Variants in TTC29 observed in about 807,000 individuals in gnomAD.
The protein encoded by TTC29 is tetratricopeptide repeat domain 29, also known as tetratricopeptide repeat protein 29.
Under a neutral mutation model 58.1 loss-of-function variants are expected in TTC29, and 49 were observed. The observed-to-expected ratio is 0.84, with a 90% CI of 0.67 to 1.07. TTC29 has a LOEUF of 1.07. Ranked by LOEUF, TTC29 falls within the 50% of genes least tolerant of loss-of-function variation. The pLI, the probability that TTC29 is intolerant of heterozygous loss-of-function variation, is 0.00. For missense variants in TTC29, 582 were observed against 555.6 expected (o/e 1.05, Z -0.48); for synonymous variants, 209 against 196.8 (o/e 1.06, Z -0.52).
chr4:146,918,065 T>C (rs1000342581), intron 4 of TTC29, among the ~76,000 whole-genome samples: 1 of 151,076 alleles, frequency 6.6e-6, no homozygotes, highest in African/African-American at 2.4e-5. Flanking sequence ...AGAATTTTTA[T>C]GTGATTATCA....
intron 4 of TTC29, among the ~76,000 whole-genome samples, chr4:146,934,834 T>C (rs1580015687): frequency 6.6e-6 from 1 of 152,146 alleles, no homozygotes; most frequent in East Asian, 1.9e-4. Context: ...AACAGAAACA[T>C]AACTATTAGA....
intron 9 of TTC29, among the ~76,000 whole-genome samples, chr4:146,832,712 A>T (rs560354572): frequency 6.6e-6 from 1 of 152,040 alleles, no homozygotes; most frequent in African/African-American, 2.4e-5. Context: ...GGCTGGTCTC[A>T]AACTCCTGAC....
intron 7 of TTC29, among the ~76,000 whole-genome samples, chr4:146,867,804 T>C (rs954612485): frequency 1.3e-5 from 2 of 152,158 alleles, no homozygotes; most frequent in East Asian, 1.9e-4. Flanking sequence ...GATATAATTA[T>C]ATACCTCATA....
rs547213706 is a variant in TTC29, at chr4:146,801,664, AAT to A, written c.1330+1791_1330+1792del. Among the ~76,000 whole-genome samples, 38 of 152,292 alleles carry A rather than the reference AAT, an allele frequency of 2.5e-4. 1 individual carries two copies. The South Asian group carries it at 7.9e-3, about 32-fold the overall frequency. ...AAAACATAAAAAGTATAGAAAAATAAATAGTTTTACAGAATAAAGAAAAACAA... is the reference window on the plus strand; with the variant it reads ...AAAACATAAAAAGTATAGAAAAATAAAGTTTTACAGAATAAAGAAAAACAA... On this transcript the variant is annotated intron_variant, in intron 11 of 12. Coordinates refer to ENST00000325106, the MANE Select transcript of TTC29 (RefSeq NM_031956.4).
intron 7 of TTC29, among the ~76,000 whole-genome samples, chr4:146,873,642 A>C (rs1442800970): frequency 6.6e-6 from 1 of 152,192 alleles, no homozygotes. Flanking sequence ...TTGATATAAG[A>C]GCTAACTCTG....
chr4:146,892,121 T>C (rs954940361), intron 6 of TTC29, among the ~76,000 whole-genome samples: 1 of 152,142 alleles, frequency 6.6e-6, no homozygotes, highest in Non-Finnish European at 1.5e-5. Flanking sequence ...GGGGGCAGAC[T>C]TCCCCCTTGC....
At chr4:146,770,855 G>A (rs1747672362) in intron 11 of TTC29, among the ~76,000 whole-genome samples, 1 of 152,000 alleles carries the variant, frequency 6.6e-6, no homozygotes, top group African/African-American at 2.4e-5. Context: ...AGGAAAGCAG[G>A]GTAGCCTAGG....
intron 11 of TTC29, among the ~76,000 whole-genome samples, chr4:146,767,250 G>C (rs1042398434): frequency 6.6e-5 from 10 of 151,776 alleles, no homozygotes; most frequent in Admixed American, 4.6e-4. Context: ...CTTCTGCCTG[G>C]TTCACTGGGG....
intron 11 of TTC29, 52 bp from the exon 12 acceptor site, chr4:146,707,603 T>A (rs1433817428): frequency 5.9e-6 from 8 of 1,349,022 alleles, no homozygotes; most frequent in Non-Finnish European, 7.3e-6. Context: ...CAGTTTATAG[T>A]TATTTTGATC....
chr4:146,873,127 C>T (rs1427946734), intron 7 of TTC29, among the ~76,000 whole-genome samples: 5 of 152,046 alleles, frequency 3.3e-5, no homozygotes, highest in Admixed American at 2.0e-4. Flanking sequence ...AGGAATTGGC[C>T]AACGGTTGGT....
chr4:146,707,861 A>G (rs1207684067), intron 11 of TTC29, among the ~76,000 whole-genome samples: 1 of 152,118 alleles, frequency 6.6e-6, no homozygotes, highest in Non-Finnish European at 1.5e-5. Context: ...AACAAAAATG[A>G]GTTCTGGGGC....
Position 146,707,195 on chromosome 4 carries a change from T to C in TTC29, c.1398-7A>G, listed in dbSNP as rs1308777872. 5 of 1,485,248 alleles carry C rather than the reference T, an allele frequency of 3.4e-6. No individual in the cohort carries two copies. The highest frequency in any genetic ancestry group is 4.5e-6 in the Non-Finnish European group (5 of 1,105,406). 92.0% of individuals were successfully genotyped at this position (1,485,248 alleles called of 1,614,324 possible). ...TTTTTGATCACCTGGAAACCTGAAA[T>C]AAAATAAATTATAAATTTAACTTTT... is the stretch of plus-strand genomic sequence containing the variant. On this transcript the variant is annotated splice_polypyrimidine_tract_variant and splice_region_variant and intron_variant, in intron 12 of 12. Transcript: ENST00000325106.
Position 146,895,170 on chromosome 4 carries a change from G to A in TTC29, c.586+8374C>T, listed in dbSNP as rs559933059. 3.3e-5 allele frequency among the ~76,000 whole-genome samples: 5 copies of A among 152,178 alleles called. No individual in the cohort carries two copies. The East Asian group carries it at 9.7e-4, about 29-fold the overall frequency. On this transcript the variant is annotated intron_variant, in intron 6 of 12. Coordinates refer to ENST00000325106, the MANE Select transcript of TTC29 (RefSeq NM_031956.4). ...GGACATGATCTTGTTCCTTTTTATG[G>A]CTTCATAGTATTCCATGGACACCTC...
intron 11 of TTC29, among the ~76,000 whole-genome samples, chr4:146,780,322 T>G (rs1304805739): frequency 1.3e-5 from 2 of 151,148 alleles, no homozygotes; most frequent in Non-Finnish European, 3.0e-5. Context: ...TGTGTGTGTG[T>G]GTGTGTGTGT....
chr4:146,821,988 T>G lies in TTC29; in HGVS notation c.978-1740A>C, dbSNP rs968817781. Among the ~76,000 whole-genome samples the G allele has an allele frequency of 1.6e-3, 102 of 65,712 alleles. 1 individual carries two copies. Among genetic ancestry groups the G allele is most frequent in the Admixed American group, 6.2e-4 (3 of 4,868 alleles). The allele number at this position is 65,712 out of a possible 152,430, so 43.1% of individuals were successfully genotyped here. A position where few individuals can be genotyped will look rare whatever the true frequency, so the allele number is the denominator to read the frequency against. On this transcript the variant is annotated intron_variant, in intron 9 of 12. Transcript: ENST00000325106. ...TCCTCGTAAGAACATGTCTAGTGTTTTTTTTTTTTTTTTTTTTTCTGGGTT... is the reference window on the plus strand; with the variant it reads ...TCCTCGTAAGAACATGTCTAGTGTTGTTTTTTTTTTTTTTTTTTCTGGGTT...
chr4:146,871,665 T>C (rs561252619), intron 7 of TTC29, among the ~76,000 whole-genome samples: 1 of 151,472 alleles, frequency 6.6e-6, no homozygotes, highest in East Asian at 1.9e-4. Flanking sequence ...TACAATAGCA[T>C]CAAAAGAATA....
intron 8 of TTC29, among the ~76,000 whole-genome samples, chr4:146,864,411 AAAAAT>A (rs1730436895): frequency 6.6e-6 from 1 of 152,224 alleles, no homozygotes; most frequent in Admixed American, 6.5e-5. Context: ...GAAAAAATAA[AAAAAT>A]AATAATTATT....
At chr4:146,911,722 A>G (rs1273902594) in intron 4 of TTC29, among the ~76,000 whole-genome samples, 1 of 152,160 alleles carries the variant, frequency 6.6e-6, no homozygotes, top group Non-Finnish European at 1.5e-5. Context: ...GTCTACTTTC[A>G]AGACAGGAAG....
At chr4:146,749,155 CAAA>C (rs56106504) in intron 11 of TTC29, among the ~76,000 whole-genome samples, 6 of 116,754 alleles carry the variant, frequency 5.1e-5, no homozygotes, top group Admixed American at 8.5e-5. Context: ...CCATTTCTAC[CAAA>C]AAAAAAAAAA....
Sources: gnomAD v4.1 joint callset for allele counts (sites outside exome capture counted in the v4.1 genomes callset) on GRCh38, gnomAD v4.1.1 for gene constraint, MANE v1.5 for transcripts, NCBI Gene and HGNC (gene_info 2026-07-23, HGNC 2026-07-21) for gene names.